The following THSD7A variants were observed in gnomAD, a reference collection of about 807,000 sequenced individuals.
THSD7A encodes thrombospondin type 1 domain containing 7A, also known as thrombospondin type-1 domain-containing protein 7A.
A neutral mutation model predicts 231.3 loss-of-function variants in THSD7A; 96 were observed. The ratio of observed to expected loss-of-function variants is 0.41; its 90% confidence interval spans 0.35 to 0.49. THSD7A has a LOEUF of 0.49. Among genes scored for constraint, THSD7A ranks in the 20% least tolerant of loss-of-function variants. The pLI is 0.05. For synonymous variants in THSD7A, 940 were observed against 743.3 expected (o/e 1.26, Z -4.30); for missense variants, 2,290 against 2,070.2 (o/e 1.11, Z -2.06).
chr7:11,669,811 C>A (rs1307256730), intron 1 of THSD7A, among the ~76,000 whole-genome samples: 1 of 151,996 alleles, frequency 6.6e-6, no homozygotes, highest in Non-Finnish European at 1.5e-5. Context: ...GACATGCTCC[C>A]AGCCTACATA....
At chr7:11,435,129 G>A (rs1784592773) in intron 13 of THSD7A, among the ~76,000 whole-genome samples, 1 of 151,948 alleles carries the variant, frequency 6.6e-6, no homozygotes, top group South Asian at 2.1e-4. Flanking sequence ...TTTTGTTATT[G>A]TTATTTTAAT....
At chr7:11,691,380 A>G (rs1526548) in intron 1 of THSD7A, among the ~76,000 whole-genome samples, 15,182 of 151,444 alleles carry the variant, frequency 0.1, 918 homozygotes, top group Non-Finnish European at 0.15. Flanking sequence ...TACAATAGAG[A>G]TATTTAACCT....
chr7:11,823,220 C>G (rs1784924400), intron 1 of THSD7A, among the ~76,000 whole-genome samples: 1 of 152,022 alleles, frequency 6.6e-6, no homozygotes, highest in South Asian at 2.1e-4. Flanking sequence ...GTTCTTTCTC[C>G]AACATATGTT....
intron 6 of THSD7A, among the ~76,000 whole-genome samples, chr7:11,521,152 A>G (rs1788245108): frequency 6.6e-6 from 1 of 152,208 alleles, no homozygotes; most frequent in Admixed American, 6.5e-5. Context: ...ATTTCTGAAC[A>G]TATTCACACA....
At chr7:11,445,636 G>A (rs1322120003) in intron 13 of THSD7A, among the ~76,000 whole-genome samples, 1 of 151,858 alleles carries the variant, frequency 6.6e-6, no homozygotes, top group Admixed American at 6.6e-5. Flanking sequence ...TGTGCATATT[G>A]CAAATCTTGC....
rs976172670 is a variant in THSD7A, at chr7:11,375,505, A to G, written c.*289T>C. On this transcript the variant is annotated 3_prime_UTR_variant, in exon 28 of 28. Coordinates refer to ENST00000423059, the MANE Select transcript of THSD7A (RefSeq NM_015204.3). The stretch of plus-strand genomic sequence containing the variant: ...ATTCCACCATTATTTTTTAGAGATG[A>G]AAGTGGTTTTTCAGTCGGTAGATTT... The G allele has an allele frequency of 4.1e-6, 1 of 241,872 alleles. No homozygotes were observed. The highest frequency in any genetic ancestry group is 2.3e-5 in the African/African-American group (1 of 44,422). 15.0% of individuals were successfully genotyped at this position (241,872 alleles called of 1,614,324 possible). A position where few individuals can be genotyped will look rare whatever the true frequency, so the allele number is the denominator to read the frequency against.
At chr7:11,396,320 C>T (rs373503143) in intron 23 of THSD7A, among the ~76,000 whole-genome samples, 1 of 151,788 alleles carries the variant, frequency 6.6e-6, no homozygotes, top group Non-Finnish European at 1.5e-5. Flanking sequence ...AGACATGAAA[C>T]ACCCTTAAAA....
chr7:11,681,418 A>T (rs1275990766), intron 1 of THSD7A, among the ~76,000 whole-genome samples: 1 of 152,028 alleles, frequency 6.6e-6, no homozygotes, highest in East Asian at 1.9e-4. Flanking sequence ...AACCAAACAG[A>T]ACTTACGGAA....
At chr7:11,383,499 C>T (rs151020345) in intron 23 of THSD7A, among the ~76,000 whole-genome samples, 1 of 151,908 alleles carries the variant, frequency 6.6e-6, no homozygotes. Flanking sequence ...CTAGCTGAAA[C>T]TTTATTAAAT....
At chr7:11,497,283 G>T (rs1787141927) in intron 6 of THSD7A, among the ~76,000 whole-genome samples, 1 of 152,044 alleles carries the variant, frequency 6.6e-6, no homozygotes, top group Non-Finnish European at 1.5e-5. Flanking sequence ...CAATGTGTGG[G>T]GATTATGGGA....
At chr7:11,391,583 C>T (rs180994478) in intron 23 of THSD7A, among the ~76,000 whole-genome samples, 1,882 of 152,170 alleles carry the variant, frequency 0.012, 16 homozygotes, top group Non-Finnish European at 0.02. Flanking sequence ...GCCTCAGCCC[C>T]CTTTCCAGGG....
At chr7:11,570,017 C>G (rs1034883913) in intron 4 of THSD7A, among the ~76,000 whole-genome samples, 2 of 151,792 alleles carry the variant, frequency 1.3e-5, no homozygotes, top group South Asian at 2.1e-4. Context: ...ACAAAAAGTA[C>G]AAAAATTAAC....
At position 11,373,770 on chromosome 7, in the gene THSD7A, C is replaced by A. The variant is rs985903388; in HGVS notation, c.*2024G>T. Reference sequence around the variant, plus strand: ...TACTCCAGTATGAAGGTAAAAATACCTTCTAATCCAAAACACTTTTACAGG... The same window carrying A: ...TACTCCAGTATGAAGGTAAAAATACATTCTAATCCAAAACACTTTTACAGG... On this transcript the variant is annotated 3_prime_UTR_variant, in exon 28 of 28. Coordinates refer to ENST00000423059, the MANE Select transcript of THSD7A (RefSeq NM_015204.3). 1 of 151,882 alleles carries A rather than the reference C, an allele frequency of 6.6e-6. No homozygotes were observed. Among genetic ancestry groups the A allele is most frequent in the African/African-American group, 2.4e-5 (1 of 41,364 alleles). The allele number at this position is 151,882 out of a possible 1,614,324, so 9.4% of individuals were successfully genotyped here. A position where few individuals can be genotyped will look rare whatever the true frequency, so the allele number is the denominator to read the frequency against.
At position 11,632,515 on chromosome 7, in the gene THSD7A, C is replaced by T. The variant is rs1228296233; in HGVS notation, c.1022+3615G>A. Among the ~76,000 whole-genome samples the T allele has an allele frequency of 1.3e-5, 2 of 152,058 alleles. No individual in the cohort carries two copies. Among genetic ancestry groups the T allele is most frequent in the Non-Finnish European group, 2.9e-5 (2 of 68,008 alleles). On this transcript the variant is annotated intron_variant, in intron 2 of 27. Transcript: ENST00000423059. The surrounding 1 kb of genome is among the most constrained non-coding windows in gnomAD (Gnocchi z 4.1). Reference sequence around the variant, plus strand: ...CTGGAGTATTCCAGAATTATCGTAACATCTGAGGGAAAAGGTCTTATTTTT... The same window carrying T: ...CTGGAGTATTCCAGAATTATCGTAATATCTGAGGGAAAAGGTCTTATTTTT...
intron 6 of THSD7A, among the ~76,000 whole-genome samples, chr7:11,506,152 T>C (rs2189317): frequency 0.29 from 43,424 of 151,562 alleles, 6,402 homozygotes; most frequent in South Asian, 0.42. Context: ...ACACCACGCC[T>C]GGCTAATTTT....
Position 11,454,857 on chromosome 7 carries a change from G to C in THSD7A, c.2605+5805C>G, listed in dbSNP as rs1298999620. 3.2e-4 allele frequency among the ~76,000 whole-genome samples: 49 copies of C among 151,948 alleles called. 3 individuals carry two copies. Among genetic ancestry groups the C allele is most frequent in the Admixed American group, 3.2e-3 (49 of 15,206 alleles). On this transcript the variant is annotated intron_variant, in intron 11 of 27. Transcript: ENST00000423059. ...GAAATTTGAGTTACCTGTTTTCACA[G>C]CTTTCTGAAAGAGCATAATATTAAC...
chr7:11,601,070 A>G lies in THSD7A; in HGVS notation c.1023-7568T>C, dbSNP rs556499944. 2.6e-5 allele frequency among the ~76,000 whole-genome samples: 4 copies of G among 152,350 alleles called. No individual in the cohort carries two copies. In the East Asian group the frequency reaches 7.7e-4, roughly 29 times the overall value. Reference sequence around the variant, plus strand: ...CACTTTTATACTTATGAGTTTATCAATGAAAGTCATGCAAAATAATGACTG... The same window carrying G: ...CACTTTTATACTTATGAGTTTATCAGTGAAAGTCATGCAAAATAATGACTG... On this transcript the variant is annotated intron_variant, in intron 2 of 27. Coordinates refer to ENST00000423059, the MANE Select transcript of THSD7A (RefSeq NM_015204.3).
intron 1 of THSD7A, among the ~76,000 whole-genome samples, chr7:11,785,389 C>T (rs1057505382): frequency 1.3e-5 from 2 of 152,014 alleles, no homozygotes; most frequent in Admixed American, 6.6e-5. Context: ...ATGAACCCTG[C>T]CCTATTTTAC....
chr7:11,424,781 C>A lies in THSD7A; in HGVS notation c.3298G>T (p.Val1100Phe), dbSNP rs1169932390. 1 of 1,613,966 alleles carries A rather than the reference C, an allele frequency of 6.2e-7. No individual in the cohort carries two copies. Among genetic ancestry groups the A allele is most frequent in the South Asian group, 1.1e-5 (1 of 91,072 alleles). ...CHSDCNQYLW[V>F]TEPWSICKVT... ...TTGCAGATGCTCCAGGGCTCTGTGA[C>A]CCATAGGTACTGGTTGCAGTCACTG... is the stretch of plus-strand genomic sequence containing the variant. Residue 1100 changes from valine to phenylalanine, a missense_variant, in exon 16 of 28, where the codon GTC becomes TTC. Val to Phe is a conservative substitution (Grantham distance 50). Coordinates refer to ENST00000423059, the MANE Select transcript of THSD7A (RefSeq NM_015204.3).
Sources: allele counts gnomAD v4.1 joint callset (sites outside exome capture counted in the v4.1 genomes callset), GRCh38; gene constraint gnomAD v4.1.1; non-coding constraint Gnocchi (gnomAD v3.1); transcripts MANE v1.5; gene names NCBI Gene and HGNC (gene_info 2026-07-23, HGNC 2026-07-21).